CADM2: variants seen among roughly 807,000 people sequenced by gnomAD.
The protein encoded by CADM2 is cell adhesion molecule 2, also known as immunoglobulin superfamily member 4D.
In CADM2, 12 loss-of-function variants were observed where a neutral mutation model predicts 49.8. The ratio of observed to expected loss-of-function variants is 0.24; its 90% CI spans 0.15 to 0.39. The LOEUF (loss-of-function observed/expected upper bound fraction) is 0.39. Ranked by LOEUF, CADM2 falls within the 10% of genes least tolerant of loss-of-function variation. The pLI, the probability that CADM2 is intolerant of heterozygous loss-of-function variation, is 1.00. For missense variants in CADM2, 378 were observed against 492.3 expected (o/e 0.77, Z 2.20); for synonymous variants, 214 against 175.4 (o/e 1.22, Z -1.74).
chr3:85,789,325 A>T (rs2071190641), intron 2 of CADM2, among the ~76,000 whole-genome samples: 1 of 152,182 alleles, frequency 6.6e-6, no homozygotes, highest in African/African-American at 2.4e-5. Flanking sequence ...TTCATCAGTT[A>T]GCAAGTAAAG....
At chr3:85,007,227 A>T (rs974666331) in intron 1 of CADM2, among the ~76,000 whole-genome samples, 13 of 152,170 alleles carry the variant, frequency 8.5e-5, no homozygotes, top group African/African-American at 2.9e-4. Flanking sequence ...GCTTGTAGTG[A>T]TGCAAAGATT....
intron 1 of CADM2, among the ~76,000 whole-genome samples, chr3:85,080,889 A>C (rs151192062): frequency 1.3e-5 from 2 of 152,206 alleles, no homozygotes; most frequent in African/African-American, 4.8e-5. Context: ...TCACCTTCTT[A>C]TACTAAAACT....
At chr3:85,564,791 T>TG (rs1261691973) in intron 1 of CADM2, among the ~76,000 whole-genome samples, 1 of 152,056 alleles carries the variant, frequency 6.6e-6, no homozygotes, top group Admixed American at 6.6e-5. Flanking sequence ...GGTGTACTGA[T>TG]TTACCAATTC....
chr3:85,456,255 T>C (rs2037983663), intron 1 of CADM2, among the ~76,000 whole-genome samples: 1 of 152,200 alleles, frequency 6.6e-6, no homozygotes, highest in South Asian at 2.1e-4. Flanking sequence ...AGACAATTGA[T>C]ATCTGAGATT....
rs529358974 is a variant in CADM2 at position 85,290,348 on chromosome 3, A to G, written c.61+330680A>G. The stretch of plus-strand genomic sequence containing the variant: ...GTCTGAGATCAAACTGCAAGGCCGC[A>G]GCAAGGCTGGGGGAGGGGCGCCCGC... On this transcript the variant is annotated intron_variant, in intron 1 of 9. Coordinates refer to ENST00000383699, the MANE Select transcript of CADM2 (RefSeq NM_001167675.2). 6.6e-5 allele frequency among the ~76,000 whole-genome samples: 10 copies of G among 152,290 alleles called. No homozygotes were observed. The South Asian group carries it at 2.1e-3, about 32-fold the overall frequency.
At chr3:85,375,764 G>T (rs1038652933) in intron 1 of CADM2, among the ~76,000 whole-genome samples, 1 of 152,020 alleles carries the variant, frequency 6.6e-6, no homozygotes, top group African/African-American at 2.4e-5. Context: ...TTCATGACTT[G>T]GTTCCCAATT....
In CADM2 at chr3:85,649,241, T is replaced by G. The variant is rs561776633; in HGVS notation, c.62-77281T>G. Among the ~76,000 whole-genome samples, 6 of 152,312 alleles carry G rather than the reference T, an allele frequency of 3.9e-5. No homozygotes were observed. In the East Asian group the frequency reaches 7.7e-4, roughly 20 times the overall value. On this transcript the variant is annotated intron_variant, in intron 1 of 9. Transcript: ENST00000383699. ...CCATTTCAATGTCATCACTTTCTAATGAAACCACTTCTGTTTCTTAAGAGT... is the reference window on the plus strand; with the variant it reads ...CCATTTCAATGTCATCACTTTCTAAGGAAACCACTTCTGTTTCTTAAGAGT...
intron 8 of CADM2, among the ~76,000 whole-genome samples, chr3:85,975,975 A>C (rs1726724798): frequency 2.6e-5 from 4 of 151,514 alleles, no homozygotes; most frequent in African/African-American, 9.7e-5. Flanking sequence ...ATATTAAGAC[A>C]CTCTGACACT....
At chr3:85,027,470 T>C (rs965723372) in intron 1 of CADM2, among the ~76,000 whole-genome samples, 1 of 152,094 alleles carries the variant, frequency 6.6e-6, no homozygotes, top group African/African-American at 2.4e-5. Context: ...GAAGTTTCAC[T>C]GGAATAATTT....
chr3:85,804,741 T>C (rs554715917), intron 3 of CADM2, among the ~76,000 whole-genome samples: 1 of 152,284 alleles, frequency 6.6e-6, no homozygotes, highest in African/African-American at 2.4e-5. Flanking sequence ...TAATGTATCT[T>C]TCCTGGAGAA....
chr3:85,155,089 A>G (rs1429779897), intron 1 of CADM2, among the ~76,000 whole-genome samples: 1 of 146,110 alleles, frequency 6.8e-6, no homozygotes, highest in African/African-American at 2.8e-5. Context: ...ACACATAACA[A>G]TATTAACCTT....
intron 1 of CADM2, among the ~76,000 whole-genome samples, chr3:85,083,577 A>G (rs905892310): frequency 6.6e-6 from 1 of 152,142 alleles, no homozygotes; most frequent in African/African-American, 2.4e-5. Context: ...AATGAACCTT[A>G]ATGAAGATCC....
At chr3:84,963,038 G>A (rs557449393) in intron 1 of CADM2, among the ~76,000 whole-genome samples, 8 of 152,046 alleles carry the variant, frequency 5.3e-5, no homozygotes, top group Admixed American at 3.9e-4. Context: ...CATCCTCATC[G>A]TGTCTTTAGG....
intron 1 of CADM2, among the ~76,000 whole-genome samples, chr3:85,525,597 A>G (rs925319231): frequency 1.3e-5 from 2 of 152,128 alleles, no homozygotes; most frequent in Non-Finnish European, 2.9e-5. Context: ...TATCAATGTG[A>G]TAATCATTGT....
chr3:85,710,216 C>T (rs2067076036), intron 1 of CADM2, among the ~76,000 whole-genome samples: 1 of 152,160 alleles, frequency 6.6e-6, no homozygotes, highest in South Asian at 2.1e-4. Flanking sequence ...TTCCTCCAAA[C>T]ACCATGATTC....
chr3:85,535,952 G>C (rs1205208404), intron 1 of CADM2, among the ~76,000 whole-genome samples: 1 of 152,092 alleles, frequency 6.6e-6, no homozygotes, highest in African/African-American at 2.4e-5. Flanking sequence ...TGGTTCTTCT[G>C]GTGTAACAGG....
intron 1 of CADM2, among the ~76,000 whole-genome samples, chr3:85,279,778 C>G (rs1362306619): frequency 1.3e-5 from 2 of 151,504 alleles, no homozygotes. Context: ...TCTAATTTCT[C>G]TACATACTTA....
chr3:85,542,932 A>G (rs1428334905), intron 1 of CADM2, among the ~76,000 whole-genome samples: 1 of 152,210 alleles, frequency 6.6e-6, no homozygotes, highest in South Asian at 2.1e-4. Context: ...CAGCTAACTC[A>G]TGCTAACTCA....
chr3:85,123,572 G>A (rs954454856), intron 1 of CADM2, among the ~76,000 whole-genome samples: 1 of 151,870 alleles, frequency 6.6e-6, no homozygotes, highest in African/African-American at 2.4e-5. Flanking sequence ...TTATTTAAGT[G>A]GATGATTTTC....
Sources: allele counts gnomAD v4.1 joint callset (sites outside exome capture counted in the v4.1 genomes callset), GRCh38; gene constraint gnomAD v4.1.1; transcripts MANE v1.5; gene names NCBI Gene and HGNC (gene_info 2026-07-23, HGNC 2026-07-21).